Variants in CADPS2 observed in about 807,000 individuals in gnomAD.
CADPS2 encodes the protein calcium-dependent secretion activator 2.
Under a neutral mutation model 172.5 loss-of-function variants are expected in CADPS2, and 93 were observed. The observed-to-expected ratio is 0.54, with a 90% confidence interval of 0.46 to 0.64. CADPS2 has a LOEUF of 0.64. Among genes scored for constraint, CADPS2 ranks in the 30% least tolerant of loss-of-function variants. The pLI is 0.00. For missense variants in CADPS2, 1,420 were observed against 1,565.9 expected (o/e 0.91, Z 1.57); for synonymous variants, 546 against 555.2 (o/e 0.98, Z 0.23).
At chr7:122,739,328 A>C (rs950291903) in intron 1 of CADPS2, among the ~76,000 whole-genome samples, 3 of 152,058 alleles carry the variant, frequency 2.0e-5, no homozygotes, top group East Asian at 3.9e-4. Flanking sequence ...AAAACTAGAA[A>C]CTGTGTATTT....
intron 1 of CADPS2, among the ~76,000 whole-genome samples, chr7:122,738,970 ACAT>A (rs2092334229): frequency 6.6e-6 from 1 of 152,130 alleles, no homozygotes; most frequent in Non-Finnish European, 1.5e-5. Flanking sequence ...AGGTGCAGGA[ACAT>A]CATCATTATA....
chr7:122,446,491 T>C (rs1371870528), intron 15 of CADPS2, among the ~76,000 whole-genome samples: 1 of 152,166 alleles, frequency 6.6e-6, no homozygotes, highest in Non-Finnish European at 1.5e-5. Context: ...CTATAGATTA[T>C]AGTACTCTAC....
chr7:122,583,977 T>A (rs1739213232), intron 6 of CADPS2, among the ~76,000 whole-genome samples: 2 of 151,584 alleles, frequency 1.3e-5, no homozygotes, highest in African/African-American at 4.8e-5. Flanking sequence ...GTAATTATAG[T>A]AGATTACTCT....
chr7:122,441,574 A>C lies in CADPS2; in HGVS notation c.2290T>G (p.Tyr764Asp). 1 of 1,529,254 alleles carries C rather than the reference A, an allele frequency of 6.5e-7. No homozygotes were observed. Among genetic ancestry groups the C allele is most frequent in the Non-Finnish European group, 8.8e-7 (1 of 1,137,696 alleles). The allele number at this position is 1,529,254 out of a possible 1,614,324, so 94.7% of individuals were successfully genotyped here. A position where few individuals can be genotyped will look rare whatever the true frequency, so the allele number is the denominator to read the frequency against. Reference protein sequence around the residue: ...LLENQISHFRYCFPFGRPEGA... With the variant: ...LLENQISHFRDCFPFGRPEGA... ...TCAGGTCGTCCAAAGGGAAAACAGT[A>C]TCTTTAAAAACAAAAGAAAGAACAA... Residue 764 changes from tyrosine (Y) to aspartate (D), a missense_variant and splice_region_variant, in exon 16 of 30, where the codon TAC (tyrosine) becomes GAC (aspartate). Transcript: ENST00000449022.
Position 122,434,241 on chromosome 7 carries a change from G to A in CADPS2, c.2476+4100C>T, listed in dbSNP as rs78851204. 1.4e-4 allele frequency among the ~76,000 whole-genome samples: 21 copies of A among 152,168 alleles called. 1 individual carries two copies. In the East Asian group the frequency reaches 3.9e-3, roughly 28 times the overall value. On this transcript the variant is annotated intron_variant, in intron 17 of 29. Coordinates refer to ENST00000449022, the MANE Select transcript of CADPS2 (RefSeq NM_017954.11). Reference sequence around the variant, plus strand: ...TTTCTAATTCATTTTTCTCTAAAGTGCACTTAGCAATCATTGTAGGTGTGT... The same window carrying A: ...TTTCTAATTCATTTTTCTCTAAAGTACACTTAGCAATCATTGTAGGTGTGT...
At chr7:122,574,023 A>T (rs1032428669) in intron 7 of CADPS2, among the ~76,000 whole-genome samples, 1 of 152,108 alleles carries the variant, frequency 6.6e-6, no homozygotes, top group Non-Finnish European at 1.5e-5. Context: ...TGGCAAAAAA[A>T]ATGTTTATCT....
chr7:122,448,201 T>A (rs1361434877), intron 15 of CADPS2, among the ~76,000 whole-genome samples: 1 of 152,204 alleles, frequency 6.6e-6, no homozygotes, highest in East Asian at 1.9e-4. Context: ...TAACTCATTG[T>A]ATAAAATCTG....
At chr7:122,424,420 G>T in intron 17 of CADPS2, 2 of 680,868 alleles carry the variant, frequency 2.9e-6, no homozygotes, top group Non-Finnish European at 3.6e-6. Context: ...ACCAATGACA[G>T]CTGGGCTGAA....
chr7:122,667,299 T>C (rs2081286961), intron 2 of CADPS2, among the ~76,000 whole-genome samples: 1 of 152,222 alleles, frequency 6.6e-6, no homozygotes, highest in Non-Finnish European at 1.5e-5. Flanking sequence ...TTTAATTGCT[T>C]AATTTCTAAT....
At chr7:122,751,152 G>GT (rs2092937450) in intron 1 of CADPS2, among the ~76,000 whole-genome samples, 1 of 152,012 alleles carries the variant, frequency 6.6e-6, no homozygotes, top group Non-Finnish European at 1.5e-5. Context: ...CTTTGTTACT[G>GT]TTTTTTGGTA....
At chr7:122,537,253 T>C (rs114368760) in intron 8 of CADPS2, among the ~76,000 whole-genome samples, 2,280 of 151,380 alleles carry the variant, frequency 0.015, 55 homozygotes, top group African/African-American at 0.052. Context: ...CTAGGTTGTT[T>C]AGATAAGTAT....
chr7:122,521,475 G>A (rs1245435194), intron 8 of CADPS2, among the ~76,000 whole-genome samples: 1 of 146,758 alleles, frequency 6.8e-6, no homozygotes. Context: ...TTTTTTGCGG[G>A]GGGGTGAGGT....
At chr7:122,859,602 C>T (rs1563192070) in intron 1 of CADPS2, among the ~76,000 whole-genome samples, 1 of 152,050 alleles carries the variant, frequency 6.6e-6, no homozygotes, top group Admixed American at 6.6e-5. Context: ...TAATTACACA[C>T]ATATGACTAC....
intron 9 of CADPS2, among the ~76,000 whole-genome samples, chr7:122,502,212 G>A (rs2059262252): frequency 6.6e-6 from 1 of 152,064 alleles, no homozygotes; most frequent in African/African-American, 2.4e-5. Flanking sequence ...TTGTTTTATA[G>A]TAATTGTTAA....
At chr7:122,819,135 G>A (rs546523470) in intron 1 of CADPS2, among the ~76,000 whole-genome samples, 93 of 152,222 alleles carry the variant, frequency 6.1e-4, no homozygotes, top group Non-Finnish European at 1.1e-3. Flanking sequence ...ACTTCCAAAC[G>A]CCTGAACTGC....
At chr7:122,821,171 T>C (rs1369491828) in intron 1 of CADPS2, among the ~76,000 whole-genome samples, 2 of 151,986 alleles carry the variant, frequency 1.3e-5, no homozygotes, top group African/African-American at 4.8e-5. Context: ...CCACCTTACA[T>C]TCACCCCATT....
At chr7:122,477,034 AGAG>A (rs2056730225) in intron 12 of CADPS2, among the ~76,000 whole-genome samples, 4 of 88,648 alleles carry the variant, frequency 4.5e-5, no homozygotes, top group African/African-American at 1.8e-4. Context: ...AGAGGAGAGG[AGAG>A]GAGAGGAGAG....
chr7:122,745,007 TAAA>T (rs1393529646), intron 1 of CADPS2, among the ~76,000 whole-genome samples: 1 of 151,516 alleles, frequency 6.6e-6, no homozygotes, highest in African/African-American at 2.4e-5. Flanking sequence ...AACTGACAAG[TAAA>T]AACGTAAACA....
At chr7:122,456,243 C>T (rs1276088295) in intron 14 of CADPS2, among the ~76,000 whole-genome samples, 1 of 152,026 alleles carries the variant, frequency 6.6e-6, no homozygotes, top group East Asian at 1.9e-4. Flanking sequence ...CCTGCTTTGA[C>T]ATTGATAAAG....
Sources: gnomAD v4.1 joint callset for allele counts (sites outside exome capture counted in the v4.1 genomes callset) on GRCh38, gnomAD v4.1.1 for gene constraint, MANE v1.5 for transcripts, NCBI Gene and HGNC (gene_info 2026-07-23, HGNC 2026-07-21) for gene names.